The following KCNQ5 variants were observed in gnomAD, a reference collection of about 807,000 sequenced individuals.
KCNQ5 encodes potassium voltage-gated channel subfamily Q member 5.
A neutral mutation model predicts 98.2 loss-of-function variants in KCNQ5; 30 were observed. The ratio of observed to expected loss-of-function variants is 0.31; its 90% CI spans 0.23 to 0.41. The LOEUF (loss-of-function observed/expected upper bound fraction) is 0.41. KCNQ5 is among the 10% of genes least tolerant of loss of function. KCNQ5 has a pLI of 1.00. For synonymous variants in KCNQ5, 458 were observed against 449.4 expected, an observed-to-expected ratio of 1.02 and a Z score of -0.24; for missense variants, 835 against 1,182.5, an observed-to-expected ratio of 0.71 and a Z score of 4.31.
intron 1 of KCNQ5, among the ~76,000 whole-genome samples, chr6:72,720,716 G>C (rs1004429662): frequency 6.6e-6 from 1 of 152,194 alleles, no homozygotes; most frequent in Non-Finnish European, 1.5e-5. Context: ...ATATTTTACA[G>C]ATTAGTTTGT....
intron 1 of KCNQ5, among the ~76,000 whole-genome samples, chr6:72,980,719 G>A (rs1768398741): frequency 6.6e-6 from 1 of 152,178 alleles, no homozygotes; most frequent in African/African-American, 2.4e-5. Context: ...TGTTCAATAG[G>A]AGTGGTGAGA....
intron 7 of KCNQ5, among the ~76,000 whole-genome samples, chr6:73,114,318 AT>A: frequency 6.6e-6 from 1 of 152,276 alleles, no homozygotes; most frequent in South Asian, 2.1e-4. Flanking sequence ...CGTCTCATTT[AT>A]TTTAGGCCAG....
chr6:72,945,312 T>C (rs1335002513), intron 1 of KCNQ5, among the ~76,000 whole-genome samples: 1 of 152,122 alleles, frequency 6.6e-6, no homozygotes, highest in Non-Finnish European at 1.5e-5. Context: ...TGCACGTTAG[T>C]TACATATGTA....
chr6:73,175,954 G>A (rs946839015), intron 11 of KCNQ5, among the ~76,000 whole-genome samples: 1 of 152,016 alleles, frequency 6.6e-6, no homozygotes, highest in Admixed American at 6.5e-5. Flanking sequence ...TATAGAGGCT[G>A]GGCAGAGAGA....
intron 1 of KCNQ5, among the ~76,000 whole-genome samples, chr6:72,945,398 C>G (rs1766491608): frequency 8.8e-6 from 1 of 113,356 alleles, no homozygotes; most frequent in Admixed American, 9.9e-5. Flanking sequence ...TGCTATCCCT[C>G]CCCCCACCCC....
chr6:72,911,482 C>T (rs972896430), intron 1 of KCNQ5, among the ~76,000 whole-genome samples: 8 of 152,072 alleles, frequency 5.3e-5, no homozygotes, highest in African/African-American at 1.9e-4. Flanking sequence ...AAGTAAATTT[C>T]CATCATTTGC....
chr6:72,658,575 TA>T (rs1164645580), intron 1 of KCNQ5, among the ~76,000 whole-genome samples: 12 of 107,930 alleles, frequency 1.1e-4, no homozygotes, highest in South Asian at 6.8e-4. Flanking sequence ...TATATATATA[TA>T]TATTTTTTTT....
At chr6:72,730,173 T>A (rs1000715812) in intron 1 of KCNQ5, among the ~76,000 whole-genome samples, 1 of 152,046 alleles carries the variant, frequency 6.6e-6, no homozygotes, top group African/African-American at 2.4e-5. Flanking sequence ...AAGAAAGAAA[T>A]AATAAATAAA....
chr6:72,665,772 A>G (rs1014961916), intron 1 of KCNQ5, among the ~76,000 whole-genome samples: 2 of 152,220 alleles, frequency 1.3e-5, no homozygotes, highest in African/African-American at 4.8e-5. Flanking sequence ...CAGAAGTTAT[A>G]TAACGCACAC....
intron 2 of KCNQ5, among the ~76,000 whole-genome samples, chr6:73,010,315 T>G (rs1002984786): frequency 2.6e-5 from 4 of 151,924 alleles, no homozygotes; most frequent in Non-Finnish European, 5.9e-5. Context: ...CCTTCTATGA[T>G]TAAAATATAT....
intron 5 of KCNQ5, among the ~76,000 whole-genome samples, chr6:73,084,435 C>T (rs1018516480): frequency 1.3e-5 from 2 of 152,136 alleles, no homozygotes; most frequent in African/African-American, 4.8e-5. Context: ...GCCCATATTA[C>T]TGTGTTAACT....
intron 7 of KCNQ5, among the ~76,000 whole-genome samples, chr6:73,119,045 G>C (rs960986116): frequency 6.6e-6 from 1 of 151,978 alleles, no homozygotes; most frequent in African/African-American, 2.4e-5. Context: ...TAAATAAATA[G>C]GTTTGTCACA....
intron 1 of KCNQ5, among the ~76,000 whole-genome samples, chr6:72,838,982 G>A (rs966740093): frequency 2.6e-4 from 37 of 143,438 alleles, no homozygotes; most frequent in Middle Eastern, 3.3e-3. Context: ...AGAATATGGA[G>A]CTGAGTGTGA....
At chr6:73,089,083 C>T (rs755803446) in intron 5 of KCNQ5, among the ~76,000 whole-genome samples, 121 of 152,274 alleles carry the variant, frequency 7.9e-4, no homozygotes, top group Non-Finnish European at 1.2e-3. Context: ...TCCTATCCCA[C>T]CCATAGGGCT....
At chr6:72,706,678 G>A (rs1054584100) in intron 1 of KCNQ5, among the ~76,000 whole-genome samples, 5 of 152,100 alleles carry the variant, frequency 3.3e-5, no homozygotes, top group Non-Finnish European at 7.4e-5. Context: ...TGATGTCATA[G>A]AGGCCTTCCT....
At chr6:72,738,107 A>C (rs1439766240) in intron 1 of KCNQ5, among the ~76,000 whole-genome samples, 1 of 152,182 alleles carries the variant, frequency 6.6e-6, no homozygotes, top group Non-Finnish European at 1.5e-5. Flanking sequence ...GTGAGCCGAG[A>C]GCATGCCACT....
chr6:72,626,999 C>T (rs745727283), intron 1 of KCNQ5, among the ~76,000 whole-genome samples: 10 of 152,074 alleles, frequency 6.6e-5, no homozygotes, highest in Admixed American at 2.0e-4. Flanking sequence ...ATAATGGGTT[C>T]GGATTTGAAC....
At chr6:72,794,750 T>C (rs1190844023) in intron 1 of KCNQ5, among the ~76,000 whole-genome samples, 1 of 152,000 alleles carries the variant, frequency 6.6e-6, no homozygotes, top group African/African-American at 2.4e-5. Flanking sequence ...TAAGAAGAAA[T>C]AAAACAAAGC....
chr6:73,038,350 GTT>G (rs149035613), intron 2 of KCNQ5, among the ~76,000 whole-genome samples: 4 of 150,688 alleles, frequency 2.7e-5, no homozygotes, highest in Non-Finnish European at 4.4e-5. Context: ...CAAACTGCAT[GTT>G]TTTTTTTTCT....
Sources: gnomAD v4.1 joint callset for allele counts (sites outside exome capture counted in the v4.1 genomes callset) on GRCh38, gnomAD v4.1.1 for gene constraint, MANE v1.5 for transcripts, NCBI Gene and HGNC (gene_info 2026-07-23, HGNC 2026-07-21) for gene names.